Variants in CSMD1 observed in about 807,000 individuals in gnomAD.
CSMD1 encodes CUB and sushi domain-containing protein 1.
CSMD1 carries 213 observed loss-of-function variants against 417.5 expected under a neutral mutation model. The observed-to-expected ratio is 0.51, with a 90% CI of 0.46 to 0.57. The LOEUF is 0.57. CSMD1 is among the 20% of genes least tolerant of loss of function. The pLI, the probability that CSMD1 is intolerant of heterozygous loss-of-function variation, is 0.00. For synonymous variants in CSMD1, 2,862 were observed against 1,736.8 expected, an observed-to-expected ratio of 1.65 and a Z score of -16.11; for missense variants, 6,923 against 4,529.7, an observed-to-expected ratio of 1.53 and a Z score of -15.17.
intron 3 of CSMD1, among the ~76,000 whole-genome samples, chr8:4,154,579 G>A (rs553838868): frequency 6.6e-6 from 1 of 152,164 alleles, no homozygotes; most frequent in Non-Finnish European, 1.5e-5. Context: ...GGGCCAAGAG[G>A]TGAGGTCTTT....
chr8:4,100,802 T>A (rs1286765537), intron 3 of CSMD1, among the ~76,000 whole-genome samples: 3 of 151,888 alleles, frequency 2.0e-5, no homozygotes, highest in African/African-American at 7.3e-5. Context: ...TGCCAAAAAA[T>A]AAAAAGTTAA....
chr8:3,242,429 T>G (rs568432760), intron 26 of CSMD1, among the ~76,000 whole-genome samples: 1 of 151,898 alleles, frequency 6.6e-6, no homozygotes, highest in East Asian at 2.0e-4. Flanking sequence ...AGAGACTAGG[T>G]AGGGACTGAT....
chr8:4,068,726 T>C (rs1199218733), intron 3 of CSMD1, among the ~76,000 whole-genome samples: 1 of 152,190 alleles, frequency 6.6e-6, no homozygotes, highest in East Asian at 1.9e-4. Context: ...GAAATAACTA[T>C]GCCTGCGCTG....
chr8:4,030,063 A>T (rs1188924184), intron 4 of CSMD1, among the ~76,000 whole-genome samples: 1 of 152,210 alleles, frequency 6.6e-6, no homozygotes, highest in Non-Finnish European at 1.5e-5. Flanking sequence ...TGTGACTTTG[A>T]AGAATACAGC....
intron 1 of CSMD1, among the ~76,000 whole-genome samples, chr8:4,740,468 G>A (rs1013457960): frequency 3.9e-5 from 6 of 152,056 alleles, no homozygotes; most frequent in Admixed American, 2.0e-4. Flanking sequence ...AGACAGGCTG[G>A]GATGTGTTTA....
At chr8:3,164,033 G>T (rs1820059986) in intron 37 of CSMD1, among the ~76,000 whole-genome samples, 1 of 152,180 alleles carries the variant, frequency 6.6e-6, no homozygotes, top group Non-Finnish European at 1.5e-5. Flanking sequence ...GCCGACCCCA[G>T]ATCTGCTGAG....
chr8:4,945,422 C>T (rs1296380806), intron 1 of CSMD1, among the ~76,000 whole-genome samples: 3 of 151,124 alleles, frequency 2.0e-5, no homozygotes, highest in South Asian at 2.1e-4. Context: ...ATATTTTTAC[C>T]GCAATTTAAA....
chr8:4,788,274 C>T, intron 1 of CSMD1: 3 of 1,589,228 alleles, frequency 1.9e-6, no homozygotes, highest in Non-Finnish European at 2.6e-6. Flanking sequence ...GGATGGCATT[C>T]CTACTGTATT....
chr8:4,452,999 C>T (rs958067005), intron 2 of CSMD1, among the ~76,000 whole-genome samples: 5 of 152,088 alleles, frequency 3.3e-5, no homozygotes, highest in Admixed American at 6.6e-5. Context: ...CTGTTTCCCA[C>T]AGTCCTCTGA....
chr8:4,157,340 T>C (rs982816241), intron 3 of CSMD1, among the ~76,000 whole-genome samples: 3 of 152,206 alleles, frequency 2.0e-5, no homozygotes, highest in Non-Finnish European at 4.4e-5. Flanking sequence ...GAGCCCAAGA[T>C]ATTTACCATC....
At chr8:4,542,899 T>A (rs949648689) in intron 2 of CSMD1, among the ~76,000 whole-genome samples, 1 of 152,202 alleles carries the variant, frequency 6.6e-6, no homozygotes, top group African/African-American at 2.4e-5. Flanking sequence ...ATTAGCATTT[T>A]TGAATATTTA....
At chr8:3,307,668 T>C in intron 25 of CSMD1, 27 bp downstream of exon 25, 2 of 1,608,810 alleles carry the variant, frequency 1.2e-6, no homozygotes, top group Non-Finnish European at 1.7e-6. Context: ...TTTTCTCAAA[T>C]CACTGAAACC....
chr8:4,486,779 C>G (rs1027532923), intron 2 of CSMD1, among the ~76,000 whole-genome samples: 10 of 152,148 alleles, frequency 6.6e-5, no homozygotes, highest in Non-Finnish European at 1.3e-4. Flanking sequence ...GAGTGATAAA[C>G]GATCCTGAAA....
intron 1 of CSMD1, among the ~76,000 whole-genome samples, chr8:4,709,139 T>G (rs1350197351): frequency 6.6e-6 from 1 of 152,196 alleles, no homozygotes; most frequent in Non-Finnish European, 1.5e-5. Flanking sequence ...CACATGGAAA[T>G]TCTGAACGAA....
chr8:4,061,632 C>G (rs566438540), intron 3 of CSMD1, among the ~76,000 whole-genome samples: 1 of 152,100 alleles, frequency 6.6e-6, no homozygotes, highest in African/African-American at 2.4e-5. Context: ...ACAGATTCTG[C>G]AAGGGAGGAT....
At chr8:3,247,686 A>C (rs1457745489) in intron 26 of CSMD1, among the ~76,000 whole-genome samples, 1 of 152,214 alleles carries the variant, frequency 6.6e-6, no homozygotes, top group African/African-American at 2.4e-5. Context: ...ACTGTGGCAA[A>C]CAGTTAAACC....
intron 1 of CSMD1, among the ~76,000 whole-genome samples, chr8:4,725,381 T>C (rs2116928965): frequency 6.6e-6 from 1 of 152,316 alleles, no homozygotes; most frequent in South Asian, 2.1e-4. Flanking sequence ...GTAATGTTGT[T>C]TTGCTTGTGA....
At chr8:4,105,494 G>C (rs189882283) in intron 3 of CSMD1, among the ~76,000 whole-genome samples, 4 of 152,344 alleles carry the variant, frequency 2.6e-5, no homozygotes, top group East Asian at 3.9e-4. Flanking sequence ...CTATGTTCCA[G>C]AGATGGTTCT....
intron 3 of CSMD1, among the ~76,000 whole-genome samples, chr8:4,322,233 T>G (rs1413598837): frequency 6.6e-6 from 1 of 152,216 alleles, no homozygotes; most frequent in Non-Finnish European, 1.5e-5. Flanking sequence ...ACATGTAATT[T>G]TATTTGAAAA....
Sources: allele counts gnomAD v4.1 joint callset (sites outside exome capture counted in the v4.1 genomes callset), GRCh38; gene constraint gnomAD v4.1.1; transcripts MANE v1.5; gene names NCBI Gene and HGNC (gene_info 2026-07-23, HGNC 2026-07-21).